The following SH3BGRL2 variants were observed in gnomAD, a reference collection of about 807,000 sequenced individuals.
SH3BGRL2 encodes the protein SH3 domain binding glutamate rich protein like 2.
A neutral mutation model predicts 14.8 loss-of-function variants in SH3BGRL2; 21 were observed. The ratio of observed to expected loss-of-function variants is 1.42; its 90% CI spans 1.01 to 2.05. SH3BGRL2 has a LOEUF of 2.05. SH3BGRL2 is among the 30% of genes most tolerant of loss of function. SH3BGRL2 has a pLI of 0.00. For synonymous variants in SH3BGRL2, 50 were observed against 47.8 expected, an observed-to-expected ratio of 1.05 and a Z score of -0.19; for missense variants, 147 against 130.8, an observed-to-expected ratio of 1.12 and a Z score of -0.61.
chr6:79,644,445 C>G (rs534152342), intron 1 of SH3BGRL2, among the ~76,000 whole-genome samples: 125 of 152,304 alleles, frequency 8.2e-4, no homozygotes, highest in Middle Eastern at 3.4e-3. Flanking sequence ...CACTCTTCAT[C>G]TGTCCAGTTT....
intron 3 of SH3BGRL2, among the ~76,000 whole-genome samples, chr6:79,697,514 T>A (rs1240409352): frequency 6.6e-6 from 1 of 152,194 alleles, no homozygotes; most frequent in Non-Finnish European, 1.5e-5. Flanking sequence ...CTGGCATACC[T>A]GTAGGAAGAA....
chr6:79,614,745 T>G, the SH3BGRL2 span, among the ~76,000 whole-genome samples: 6 of 151,936 alleles, frequency 3.9e-5, no homozygotes, highest in African/African-American at 1.5e-4. Context: ...GAGTCAGGCT[T>G]GTTGGTGGGA....
intron 1 of SH3BGRL2, 126 bp from the exon 2 acceptor site, chr6:79,673,488 G>C (rs947937709): frequency 1.1e-6 from 1 of 885,074 alleles, no homozygotes; most frequent in Admixed American, 2.6e-5. Flanking sequence ...TGAGTGGACA[G>C]TGCATGACAC....
At chr6:79,543,819 A>T in the SH3BGRL2 span, among the ~76,000 whole-genome samples, 2 of 152,216 alleles carry the variant, frequency 1.3e-5, no homozygotes, top group Admixed American at 6.5e-5. Context: ...TTATAAATAT[A>T]AGAGGGCCTT....
the SH3BGRL2 span, among the ~76,000 whole-genome samples, chr6:79,616,021 G>C: frequency 1.3e-5 from 2 of 151,778 alleles, no homozygotes; most frequent in Non-Finnish European, 2.9e-5. Context: ...TCTCCATGTT[G>C]GTCAGGCTGG....
intron 1 of SH3BGRL2, among the ~76,000 whole-genome samples, chr6:79,642,415 G>GT (rs1338358440): frequency 6.6e-6 from 1 of 151,838 alleles, no homozygotes. Context: ...TACTGTGTAT[G>GT]TTTTTTTTAG....
upstream of SH3BGRL2, among the ~76,000 whole-genome samples, chr6:79,626,912 A>C (rs1768743131): frequency 6.6e-6 from 1 of 152,156 alleles, no homozygotes; most frequent in African/African-American, 2.4e-5. Context: ...GTTGAAAGAA[A>C]ATAGACGCAC....
chr6:79,670,067 G>A (rs1261262603), intron 1 of SH3BGRL2, among the ~76,000 whole-genome samples: 1 of 152,254 alleles, frequency 6.6e-6, no homozygotes, highest in African/African-American at 2.4e-5. Context: ...GGAGAAAGCA[G>A]ACATAGACAA....
intron 2 of SH3BGRL2, among the ~76,000 whole-genome samples, chr6:79,687,064 A>T (rs2127737252): frequency 1.3e-5 from 2 of 152,232 alleles, no homozygotes; most frequent in Non-Finnish European, 2.9e-5. Context: ...TTGTTTGGAG[A>T]GCACTTCTCT....
intron 2 of SH3BGRL2, among the ~76,000 whole-genome samples, chr6:79,677,946 A>G (rs1226998308): frequency 6.6e-6 from 1 of 152,190 alleles, no homozygotes; most frequent in East Asian, 1.9e-4. Flanking sequence ...TCTGGGCCTC[A>G]TGGCCAAGGT....
chr6:79,634,830 TAA>T (rs1188539132), intron 1 of SH3BGRL2, among the ~76,000 whole-genome samples: 1 of 152,044 alleles, frequency 6.6e-6, no homozygotes, highest in Non-Finnish European at 1.5e-5. Flanking sequence ...GGATGTCAGA[TAA>T]AGAGGAAATG....
the SH3BGRL2 span, among the ~76,000 whole-genome samples, chr6:79,625,715 C>T: frequency 1.3e-5 from 2 of 152,316 alleles, no homozygotes; most frequent in East Asian, 1.9e-4. Context: ...TGAGTCCTAA[C>T]TATGTGCCAG....
chr6:79,591,725 C>A, the SH3BGRL2 span, among the ~76,000 whole-genome samples: 1 of 152,168 alleles, frequency 6.6e-6, no homozygotes, highest in East Asian at 1.9e-4. Flanking sequence ...TGAATTTTTT[C>A]ATACCAAAGG....
the SH3BGRL2 span, among the ~76,000 whole-genome samples, chr6:79,588,058 C>T: frequency 7.2e-5 from 11 of 152,062 alleles, no homozygotes; most frequent in African/African-American, 2.7e-4. Context: ...CTTTGGGAGG[C>T]TGAGACAGGT....
intron 1 of SH3BGRL2, among the ~76,000 whole-genome samples, chr6:79,649,476 T>C (rs1769237013): frequency 6.6e-6 from 1 of 152,140 alleles, no homozygotes; most frequent in Non-Finnish European, 1.5e-5. Context: ...AAACCTTAAT[T>C]TCCAATTCCA....
chr6:79,591,262 C>T, the SH3BGRL2 span, among the ~76,000 whole-genome samples: 9 of 152,254 alleles, frequency 5.9e-5, no homozygotes, highest in African/African-American at 2.2e-4. Context: ...TTTTATCAGT[C>T]AGTGTATCAG....
chr6:79,575,591 A>G, the SH3BGRL2 span: 2 of 152,118 alleles, frequency 1.3e-5, no homozygotes, highest in African/African-American at 4.8e-5. Flanking sequence ...ACTCTCAAAC[A>G]TATCCTTTGG....
chr6:79,547,546 C>T, the SH3BGRL2 span, among the ~76,000 whole-genome samples: 3 of 152,108 alleles, frequency 2.0e-5, no homozygotes, highest in African/African-American at 7.2e-5. Context: ...CAAGGGCCAT[C>T]GCGTAAGAAG....
At chr6:79,554,347 T>C in the SH3BGRL2 span, among the ~76,000 whole-genome samples, 1 of 152,172 alleles carries the variant, frequency 6.6e-6, no homozygotes, top group Admixed American at 6.5e-5. Flanking sequence ...TGACATAATT[T>C]CCAAATCACA....
Sources: gnomAD v4.1 joint callset for allele counts (sites outside exome capture counted in the v4.1 genomes callset) on GRCh38, gnomAD v4.1.1 for gene constraint, MANE v1.5 for transcripts, NCBI Gene and HGNC (gene_info 2026-07-23, HGNC 2026-07-21) for gene names.